IRAK1BP1: variants seen among roughly 807,000 people sequenced by gnomAD.
The protein encoded by IRAK1BP1 is interleukin-1 receptor-associated kinase 1-binding protein 1.
IRAK1BP1 carries 24 observed loss-of-function variants against 28.0 expected under a neutral mutation model. The ratio of observed to expected loss-of-function variants is 0.86; its 90% confidence interval spans 0.62 to 1.20. The LOEUF (loss-of-function observed/expected upper bound fraction) is 1.20, where lower values mean the gene tolerates loss of function less well. Ranked by LOEUF, IRAK1BP1 falls within the 50% of genes most tolerant of loss-of-function variation. IRAK1BP1 has a pLI of 0.00. For synonymous variants in IRAK1BP1, 131 were observed against 116.3 expected (o/e 1.13, Z -0.81); for missense variants, 336 against 316.7 (o/e 1.06, Z -0.46).
chr6:78,961,830 T>C, the IRAK1BP1 span: 8 of 1,572,788 alleles, frequency 5.1e-6, no homozygotes, highest in African/African-American at 1.4e-5. Context: ...ATAGATAAGT[T>C]TGTAAATTTA....
chr6:78,959,828 T>C, the IRAK1BP1 span, among the ~76,000 whole-genome samples: 1 of 152,202 alleles, frequency 6.6e-6, no homozygotes. Flanking sequence ...TGTTACATCC[T>C]GATAAACCCA....
intron 1 of IRAK1BP1, among the ~76,000 whole-genome samples, chr6:78,874,872 C>A (rs1182105327): frequency 1.3e-5 from 2 of 151,896 alleles, no homozygotes; most frequent in African/African-American, 4.8e-5. Flanking sequence ...GCAAATGCAA[C>A]AAAATAAAAA....
At chr6:78,873,525 T>C (rs942059067) in intron 1 of IRAK1BP1, among the ~76,000 whole-genome samples, 21 of 152,180 alleles carry the variant, frequency 1.4e-4, no homozygotes, top group African/African-American at 3.9e-4. Context: ...TTGCCCAGTA[T>C]GGAGTAGGGT....
At chr6:78,871,397 T>G in intron 1 of IRAK1BP1, 1 of 985,464 alleles carries the variant, frequency 1.0e-6, no homozygotes. Context: ...GTAAGATTCC[T>G]TTAACACAGT....
At chr6:78,953,005 A>G in the IRAK1BP1 span, among the ~76,000 whole-genome samples, 1 of 151,720 alleles carries the variant, frequency 6.6e-6, no homozygotes, top group Admixed American at 6.6e-5. Context: ...TGTTTCTGTT[A>G]TCTTATTATG....
rs113875381 is a variant in IRAK1BP1, at chr6:78,891,253, A to G, written c.381+5810A>G. ...AAAAGAAATGCAATCATAGTACACT[A>G]TATTGTTCAGCTGTAAACAATCATA... On this transcript the variant is annotated intron_variant, in intron 2 of 3. Transcript: ENST00000369940. Among the ~76,000 whole-genome samples, 521 of 152,314 alleles carry G rather than the reference A, an allele frequency of 3.4e-3. 3 individuals carry two copies. The highest frequency in any genetic ancestry group is 0.012 in the African/African-American group (489 of 41,568).
At chr6:78,877,696 A>T (rs1771051536) in intron 1 of IRAK1BP1, among the ~76,000 whole-genome samples, 1 of 152,146 alleles carries the variant, frequency 6.6e-6, no homozygotes, top group Non-Finnish European at 1.5e-5. Context: ...GCGAGGCATC[A>T]CCTTACCCGG....
chr6:78,878,955 A>G (rs1771114535), intron 1 of IRAK1BP1, among the ~76,000 whole-genome samples: 3 of 152,204 alleles, frequency 2.0e-5, no homozygotes, highest in Admixed American at 2.0e-4. Context: ...AAAAAAGAGT[A>G]AAAATAAACG....
chr6:78,957,483 A>G, the IRAK1BP1 span: 3 of 151,980 alleles, frequency 2.0e-5, no homozygotes, highest in East Asian at 5.8e-4. Context: ...GTGTTTTCTT[A>G]TACTGAAATG....
chr6:78,970,736 A>G, the IRAK1BP1 span: 44 of 1,253,768 alleles, frequency 3.5e-5, no homozygotes, highest in Middle Eastern at 2.5e-4. Context: ...TCCAAATTCC[A>G]TAATTGTATT....
At chr6:78,937,925 G>C (rs542431905) in intron 4 of IRAK1BP1, 1 of 151,702 alleles carries the variant, frequency 6.6e-6, no homozygotes, top group Admixed American at 6.6e-5. Flanking sequence ...TTCCATGCAT[G>C]TAAGAGTTAT....
chr6:78,929,153 T>TA (rs1484499673), intron 4 of IRAK1BP1, among the ~76,000 whole-genome samples: 1 of 152,148 alleles, frequency 6.6e-6, no homozygotes, highest in African/African-American at 2.4e-5. Context: ...GGCTTTTTTT[T>TA]ACTGGGAGAC....
chr6:78,945,201 G>A (rs1773735252), intron 4 of IRAK1BP1: 2 of 877,310 alleles, frequency 2.3e-6, no homozygotes, highest in East Asian at 2.5e-5. Flanking sequence ...TGACTTTTAA[G>A]TGGGCAACCT....
At chr6:78,970,697 T>C in the IRAK1BP1 span, 2 of 827,084 alleles carry the variant, frequency 2.4e-6, no homozygotes, top group Non-Finnish European at 3.9e-6. Flanking sequence ...TTTCTTATTG[T>C]GTTAATAGTA....
the IRAK1BP1 span, chr6:78,957,669 T>C: frequency 6.6e-6 from 1 of 151,842 alleles, no homozygotes; most frequent in Non-Finnish European, 1.5e-5. Context: ...AAAATGCTGT[T>C]ACTACTTCTC....
the IRAK1BP1 span, among the ~76,000 whole-genome samples, chr6:78,972,186 C>T: frequency 8.7e-4 from 130 of 148,934 alleles, no homozygotes; most frequent in African/African-American, 2.7e-3. Flanking sequence ...GATATGAGAA[C>T]GGGCAGACTG....
At chr6:78,948,126 C>G (rs1271653749), downstream of IRAK1BP1, among the ~76,000 whole-genome samples, 1 of 152,102 alleles carries the variant, frequency 6.6e-6, no homozygotes, top group Admixed American at 6.5e-5. Flanking sequence ...AAACTTTATA[C>G]TACTTATAAA....
intron 4 of IRAK1BP1, chr6:78,940,083 C>A (rs1490584720): frequency 2.6e-5 from 4 of 151,994 alleles, no homozygotes; most frequent in Non-Finnish European, 4.4e-5. Context: ...TCTTGTTTGG[C>A]AGAAATGGAA....
chr6:78,903,775 G>A (rs533575720), downstream of IRAK1BP1, among the ~76,000 whole-genome samples: 3 of 151,914 alleles, frequency 2.0e-5, no homozygotes, highest in South Asian at 2.1e-4. Context: ...CACTTTTTCA[G>A]TGTCTTTCAA....
Sources: gnomAD v4.1 joint callset for allele counts (sites outside exome capture counted in the v4.1 genomes callset) on GRCh38, gnomAD v4.1.1 for gene constraint, MANE v1.5 for transcripts, NCBI Gene and HGNC (gene_info 2026-07-23, HGNC 2026-07-21) for gene names.